The following TMEM233 variants were observed in gnomAD, a reference collection of about 807,000 sequenced individuals.
TMEM233 encodes transmembrane protein 233, also known as dispanin subfamily B member 2.
In TMEM233, 6 loss-of-function variants were observed where a neutral mutation model predicts 11.2. The observed-to-expected ratio is 0.54, with a 90% CI of 0.29 to 1.06. The LOEUF (loss-of-function observed/expected upper bound fraction) is 1.06, where lower values mean the gene tolerates loss of function less well. Ranked by LOEUF, TMEM233 falls within the 50% of genes least tolerant of loss-of-function variation. TMEM233 has a pLI of 0.08. For missense variants in TMEM233, 127 were observed against 144.7 expected, an observed-to-expected ratio of 0.88 and a Z score of 0.63; for synonymous variants, 59 against 55.8, an observed-to-expected ratio of 1.06 and a Z score of -0.26.
intron 1 of TMEM233, among the ~76,000 whole-genome samples, chr12:119,596,954 A>G (rs1954061710): frequency 6.6e-6 from 1 of 152,254 alleles, no homozygotes; most frequent in Non-Finnish European, 1.5e-5. Context: ...ACAGATGTAT[A>G]GATTTGGAAC....
In TMEM233 at chr12:119,593,854, T is replaced by C; in HGVS notation, c.6T>C (p.Ser2=). 6.4e-7 allele frequency: 1 copy of C among 1,551,208 alleles called. No individual in the cohort carries two copies. The highest frequency in any genetic ancestry group is 1.4e-5 in the African/African-American group (1 of 73,134). Residue 2 remains serine (S), a synonymous_variant, in exon 1 of 3, where the codon TCT becomes TCC. Coordinates refer to ENST00000426426, the MANE Select transcript of TMEM233 (RefSeq NM_001136534.3). This position sits in a 1 kb window ranked among gnomAD's most constrained non-coding sequence, Gnocchi z 4.1. ...CGGCGCCGCCGGCCTCGCCCATGTC[T>C]CAGTACGCCCCTAGCCCGGACTTCA... is the stretch of plus-strand genomic sequence containing the variant. M[S]QYAPSPDFKR...
chr12:119,644,405 A>G (rs894848450), downstream of TMEM233, among the ~76,000 whole-genome samples: 4 of 152,138 alleles, frequency 2.6e-5, no homozygotes, highest in Non-Finnish European at 5.9e-5. Flanking sequence ...CAGCGTCCAT[A>G]TTAAGCATGC....
At chr12:119,650,188 T>C in the TMEM233 span, among the ~76,000 whole-genome samples, 1 of 150,086 alleles carries the variant, frequency 6.7e-6, no homozygotes, top group Non-Finnish European at 1.5e-5. Context: ...GTAACTATAA[T>C]AACAAACATT....
chr12:119,602,244 GAGA>G (rs1213625189), intron 1 of TMEM233, among the ~76,000 whole-genome samples: 1 of 152,200 alleles, frequency 6.6e-6, no homozygotes, highest in Non-Finnish European at 1.5e-5. Flanking sequence ...TAGGTGTAGG[GAGA>G]AGATCATGTG....
rs535041442 is a variant in TMEM233 at position 119,603,525 on chromosome 12, T to C, written c.186+9491T>C. 2.6e-5 allele frequency among the ~76,000 whole-genome samples: 4 copies of C among 152,324 alleles called. No individual in the cohort carries two copies. The East Asian group carries it at 7.7e-4, about 29-fold the overall frequency. ...AAGGTGAGCCCAGGTAGGACTCACATCCTAGAACTTTAATCACCTAAGGAT... is the reference window on the plus strand; with the variant it reads ...AAGGTGAGCCCAGGTAGGACTCACACCCTAGAACTTTAATCACCTAAGGAT... On this transcript the variant is annotated intron_variant, in intron 1 of 2. Transcript: ENST00000426426.
intron 1 of TMEM233, among the ~76,000 whole-genome samples, chr12:119,624,695 G>T (rs192921596): frequency 4.6e-5 from 7 of 152,190 alleles, no homozygotes; most frequent in Non-Finnish European, 8.8e-5. Context: ...GGATGAATGG[G>T]AGTGAGTATT....
At chr12:119,611,773 C>T (rs559636303) in intron 1 of TMEM233, among the ~76,000 whole-genome samples, 5 of 152,162 alleles carry the variant, frequency 3.3e-5, no homozygotes, top group Admixed American at 2.0e-4. Flanking sequence ...GGTACAGATT[C>T]AAAGGCAAAC....
In TMEM233 at chr12:119,593,778, G is replaced by A; in HGVS notation, c.-71G>A. 6.9e-7 allele frequency: 1 copy of A among 1,457,680 alleles called. No homozygotes were observed. The highest frequency in any genetic ancestry group is 2.4e-5 in the Admixed American group (1 of 42,222). 90.3% of individuals were successfully genotyped at this position (1,457,680 alleles called of 1,614,324 possible). A position where few individuals can be genotyped will look rare whatever the true frequency, so the allele number is the denominator to read the frequency against. On this transcript the variant is annotated 5_prime_UTR_variant, in exon 1 of 3. Transcript: ENST00000426426. The surrounding 1 kb of genome is among the most constrained non-coding windows in gnomAD (Gnocchi z 4.1). ...CTGGCTTTTCAGAGCCTCGCCACAA[G>A]CCGGCGGCCAGAGCCCCAGACCACA...
rs574496760 is a variant in TMEM233, at chr12:119,639,029, C to G, written c.324-1670C>G. Among the ~76,000 whole-genome samples the G allele has an allele frequency of 2.0e-5, 3 of 152,250 alleles. No homozygotes were observed. In the South Asian group the frequency reaches 6.2e-4, roughly 32 times the overall value. On this transcript the variant is annotated intron_variant, in intron 2 of 2. Transcript: ENST00000426426. Reference sequence around the variant, plus strand: ...CCCTCCACTTCAGCCACATCAGAGTCCTCTCTGAGCAATGCAAGCATATTC... The same window carrying G: ...CCCTCCACTTCAGCCACATCAGAGTGCTCTCTGAGCAATGCAAGCATATTC...
In TMEM233 at chr12:119,594,415, C is replaced by T. The variant is rs572560410; in HGVS notation, c.186+381C>T. On this transcript the variant is annotated intron_variant, in intron 1 of 2. Coordinates refer to ENST00000426426, the MANE Select transcript of TMEM233 (RefSeq NM_001136534.3). The surrounding 1 kb of genome is among the most constrained non-coding windows in gnomAD (Gnocchi z 5.6). Reference sequence around the variant, plus strand: ...AACCCTCTTTTCTAGAGCCCCAGTGCGCGCCACCCTAGCGAGCGCAGTAAG... The same window carrying T: ...AACCCTCTTTTCTAGAGCCCCAGTGTGCGCCACCCTAGCGAGCGCAGTAAG... The T allele has an allele frequency of 4.0e-5, 8 of 201,370 alleles. No individual in the cohort carries two copies. The highest frequency in any genetic ancestry group is 3.8e-4 in the Admixed American group (7 of 18,528). The allele number at this position is 201,370 out of a possible 1,614,324, so 12.5% of individuals were successfully genotyped here.
chr12:119,619,798 T>C (rs1171399627), intron 1 of TMEM233, among the ~76,000 whole-genome samples: 1 of 152,212 alleles, frequency 6.6e-6, no homozygotes, highest in Non-Finnish European at 1.5e-5. Context: ...ATTATTGAAG[T>C]TAATTTCACC....
At chr12:119,606,034 G>C (rs549203477) in intron 1 of TMEM233, among the ~76,000 whole-genome samples, 4 of 152,166 alleles carry the variant, frequency 2.6e-5, no homozygotes, top group African/African-American at 9.6e-5. Context: ...TGCCCAGCAC[G>C]ACTTTTAGGT....
chr12:119,653,464 AAT>A, the TMEM233 span, among the ~76,000 whole-genome samples: 1 of 152,010 alleles, frequency 6.6e-6, no homozygotes, highest in African/African-American at 2.4e-5. Context: ...CAAGAGAAAA[AAT>A]AGTTAATAGA....
intron 1 of TMEM233, among the ~76,000 whole-genome samples, chr12:119,604,425 C>T (rs182715574): frequency 4.6e-5 from 7 of 152,262 alleles, no homozygotes; most frequent in Non-Finnish European, 8.8e-5. Context: ...TTCCTGGATT[C>T]TTGGATCGTA....
At chr12:119,648,938 C>T in the TMEM233 span, among the ~76,000 whole-genome samples, 4 of 152,130 alleles carry the variant, frequency 2.6e-5, no homozygotes. Flanking sequence ...TCACATATTC[C>T]TTATCGTGAT....
intron 1 of TMEM233, among the ~76,000 whole-genome samples, chr12:119,599,863 C>T (rs1954123616): frequency 6.6e-6 from 1 of 152,106 alleles, no homozygotes; most frequent in Non-Finnish European, 1.5e-5. Context: ...ACTGTGGACA[C>T]CAGGCACAGC....
chr12:119,629,930 G>A, intron 2 of TMEM233, 58 bp downstream of exon 2: 1 of 1,514,484 alleles, frequency 6.6e-7, no homozygotes, highest in Non-Finnish European at 8.9e-7. Flanking sequence ...AACGCCCGTT[G>A]GAATCTGTTA....
the TMEM233 span, among the ~76,000 whole-genome samples, chr12:119,649,979 A>C: frequency 6.6e-6 from 1 of 151,942 alleles, no homozygotes; most frequent in South Asian, 2.1e-4. Context: ...TAACACGTTG[A>C]AACCCCGTCT....
In TMEM233 at chr12:119,629,270, C is replaced by T. The variant is rs958107688; in HGVS notation, c.187-466C>T. Among the ~76,000 whole-genome samples the T allele has an allele frequency of 2.6e-5, 4 of 152,056 alleles. No individual in the cohort carries two copies. The East Asian group carries it at 5.8e-4, about 22-fold the overall frequency. On this transcript the variant is annotated intron_variant, in intron 1 of 2. Coordinates refer to ENST00000426426, the MANE Select transcript of TMEM233 (RefSeq NM_001136534.3). ...ACTAAAAATACAAAAATTAGCCAGG[C>T]GTGGTGGCGGGCACCTGTAATCCCA... is the stretch of plus-strand genomic sequence containing the variant.
Sources: allele counts gnomAD v4.1 joint callset (sites outside exome capture counted in the v4.1 genomes callset), GRCh38; gene constraint gnomAD v4.1.1; non-coding constraint Gnocchi (gnomAD v3.1); transcripts MANE v1.5; gene names NCBI Gene and HGNC (gene_info 2026-07-23, HGNC 2026-07-21).